CRTC3: variants seen among roughly 807,000 people sequenced by gnomAD.
CRTC3 encodes the protein CREB regulated transcription coactivator 3.
In CRTC3, 26 loss-of-function variants were observed where a neutral mutation model predicts 74.5. The ratio of observed to expected loss-of-function variants is 0.35; its 90% CI spans 0.26 to 0.48. The LOEUF (loss-of-function observed/expected upper bound fraction) is 0.48. CRTC3 is among the 20% of genes least tolerant of loss of function. CRTC3 has a pLI of 0.99. For missense variants in CRTC3, 760 were observed against 787.3 expected (o/e 0.97, Z 0.41); for synonymous variants, 377 against 325.8 (o/e 1.16, Z -1.69).
intron 2 of CRTC3, among the ~76,000 whole-genome samples, chr15:90,587,833 C>T (rs1967701457): frequency 6.6e-6 from 1 of 151,990 alleles, no homozygotes; most frequent in South Asian, 2.1e-4. Context: ...AGGCTGGTCT[C>T]AAACTTGTGA....
chr15:90,631,141 CA>C (rs1969024295), intron 11 of CRTC3, among the ~76,000 whole-genome samples: 1 of 152,156 alleles, frequency 6.6e-6, no homozygotes, highest in South Asian at 2.1e-4. Flanking sequence ...GAAGAGTTGA[CA>C]GAACACAACG....
At chr15:90,610,486 C>G (rs552625810) in intron 6 of CRTC3, among the ~76,000 whole-genome samples, 3 of 152,306 alleles carry the variant, frequency 2.0e-5, no homozygotes, top group African/African-American at 7.2e-5. Flanking sequence ...CACAAGAAGA[C>G]AAAGCCTGAT....
At chr15:90,622,191 C>T (rs760430155) in intron 9 of CRTC3, among the ~76,000 whole-genome samples, 76 of 152,092 alleles carry the variant, frequency 5.0e-4, no homozygotes, top group African/African-American at 1.1e-3. Context: ...AGATGGGAGT[C>T]GTTAGAGGGT....
chr15:90,607,405 G>C lies in CRTC3; in HGVS notation c.504G>C (p.Thr168=), dbSNP rs376545530. The change falls in exon 6 of 15, where the codon ACG becomes ACC. Residue 168 remains threonine, a synonymous_variant. Coordinates refer to ENST00000268184, the MANE Select transcript of CRTC3 (RefSeq NM_022769.5). The stretch of plus-strand genomic sequence containing the variant: ...CCAATTCTGATTCTGCTCTTCACAC[G>C]AGTGCTCTGAGTACCAAGCCCCAGG... The part of the protein sequence containing the change: ...NRTNSDSALH[T]SALSTKPQDP... 4 of 1,612,954 alleles carry C rather than the reference G, an allele frequency of 2.5e-6. No individual in the cohort carries two copies. Among genetic ancestry groups the C allele is most frequent in the South Asian group, 2.2e-5 (2 of 90,822 alleles).
chr15:90,537,874 C>G (rs1966745551), intron 1 of CRTC3, among the ~76,000 whole-genome samples: 1 of 152,168 alleles, frequency 6.6e-6, no homozygotes, highest in Non-Finnish European at 1.5e-5. Context: ...ACCGTGTTGG[C>G]CAGGCTAGCC....
At chr15:90,605,890 C>T (rs999519838) in intron 5 of CRTC3, among the ~76,000 whole-genome samples, 1 of 152,240 alleles carries the variant, frequency 6.6e-6, no homozygotes, top group Non-Finnish European at 1.5e-5. Context: ...TTGAAGCTAT[C>T]TGGGAGAATT....
chr15:90,550,946 CAAGA>C (rs1037396844), intron 2 of CRTC3, among the ~76,000 whole-genome samples: 4 of 152,020 alleles, frequency 2.6e-5, no homozygotes, highest in African/African-American at 9.7e-5. Context: ...CGGAATGAAA[CAAGA>C]GAGGCTGATT....
chr15:90,612,083 C>T (rs1968375683), intron 6 of CRTC3, among the ~76,000 whole-genome samples: 1 of 145,786 alleles, frequency 6.9e-6, no homozygotes, highest in Admixed American at 7.0e-5. Flanking sequence ...TCCTCCTCCG[C>T]CTCCTCCTCC....
chr15:90,636,235 C>T (rs1181664436), intron 11 of CRTC3, among the ~76,000 whole-genome samples: 3 of 151,764 alleles, frequency 2.0e-5, no homozygotes, highest in Non-Finnish European at 4.4e-5. Flanking sequence ...CAGAACAGAG[C>T]CCTCAGATAT....
chr15:90,537,837 G>T lies in CRTC3; in HGVS notation c.133-2202G>T, dbSNP rs569136494. 3.9e-5 allele frequency among the ~76,000 whole-genome samples: 6 copies of T among 152,218 alleles called. No homozygotes were observed. In the South Asian group the frequency reaches 1.2e-3, roughly 32 times the overall value. On this transcript the variant is annotated intron_variant, in intron 1 of 14. Coordinates refer to ENST00000268184, the MANE Select transcript of CRTC3 (RefSeq NM_022769.5). ...TTGCAGGCATGCACCACCACAGCTG[G>T]CTAATAGTTAGTAGAGACGGGGTTT...
rs138342324 is a variant in CRTC3, at chr15:90,642,434, A to C, written c.*294A>C. ...CACTGCATCTTTTTACTGGCCATCC[A>C]GTCAGCCGATGTGTAAGAGTAGGAA... is the stretch of plus-strand genomic sequence containing the variant. On this transcript the variant is annotated 3_prime_UTR_variant, in exon 15 of 15. Transcript: ENST00000268184. 7.1e-4 allele frequency: 339 copies of C among 480,722 alleles called. No homozygotes were observed. Among genetic ancestry groups the C allele is most frequent in the African/African-American group, 3.9e-3 (201 of 52,104 alleles). 29.8% of individuals were successfully genotyped at this position (480,722 alleles called of 1,614,324 possible).
Position 90,625,881 on chromosome 15 carries a change from C to T in CRTC3, c.855C>T (p.Pro285=). Residue 285 remains proline (P), a synonymous_variant, in exon 10 of 15, where the codon CCC becomes CCT. Coordinates refer to ENST00000268184, the MANE Select transcript of CRTC3 (RefSeq NM_022769.5). Reference sequence around the variant, plus strand: ...TAACCAACCTCCACTACTCGACACCCCTGCCAGCCTCCCTGGACACCACCG... The same window carrying T: ...TAACCAACCTCCACTACTCGACACCTCTGCCAGCCTCCCTGGACACCACCG... ...PDLTNLHYST[P]LPASLDTTDH... is the part of the protein sequence containing the mutation. The T allele has an allele frequency of 1.2e-6, 2 of 1,614,168 alleles. No individual in the cohort carries two copies. The highest frequency in any genetic ancestry group is 2.2e-5 in the East Asian group (1 of 44,894).
At chr15:90,549,409 AT>A (rs1394616458) in intron 2 of CRTC3, among the ~76,000 whole-genome samples, 2 of 152,180 alleles carry the variant, frequency 1.3e-5, no homozygotes, top group Non-Finnish European at 2.9e-5. Flanking sequence ...TAAAATTGCA[AT>A]TAATAATTAA....
chr15:90,584,917 C>T (rs1967624842), intron 2 of CRTC3, among the ~76,000 whole-genome samples: 1 of 152,110 alleles, frequency 6.6e-6, no homozygotes, highest in African/African-American at 2.4e-5. Flanking sequence ...TCAGAGGAAG[C>T]ATTATCGTCA....
At chr15:90,565,712 G>A (rs183592506) in intron 2 of CRTC3, among the ~76,000 whole-genome samples, 2 of 152,178 alleles carry the variant, frequency 1.3e-5, no homozygotes, top group Admixed American at 1.3e-4. Context: ...ATCTGTAATC[G>A]GTGATCTTTG....
intron 2 of CRTC3, among the ~76,000 whole-genome samples, chr15:90,573,715 C>G (rs749163871): frequency 1.3e-5 from 2 of 151,780 alleles, no homozygotes; most frequent in Non-Finnish European, 2.9e-5. Flanking sequence ...GTAATATGTT[C>G]TTTGATTTTA....
chr15:90,597,368 A>G (rs1967953640), intron 3 of CRTC3, among the ~76,000 whole-genome samples: 1 of 152,260 alleles, frequency 6.6e-6, no homozygotes, highest in Admixed American at 6.5e-5. Context: ...GCTCAGAAGG[A>G]AACACGAAAT....
chr15:90,613,595 C>T (rs1183300130), intron 6 of CRTC3: 1 of 152,172 alleles, frequency 6.6e-6, no homozygotes. Context: ...GGTTATTAGA[C>T]ATTTCATTCA....
chr15:90,616,444 A>T (rs568031852), intron 7 of CRTC3, among the ~76,000 whole-genome samples: 1 of 152,326 alleles, frequency 6.6e-6, no homozygotes, highest in African/African-American at 2.4e-5. Flanking sequence ...TTTTCTCAAA[A>T]TTTACTAGGA....
Sources: allele counts gnomAD v4.1 joint callset (sites outside exome capture counted in the v4.1 genomes callset), GRCh38; gene constraint gnomAD v4.1.1; transcripts MANE v1.5; gene names NCBI Gene and HGNC (gene_info 2026-07-23, HGNC 2026-07-21).